Variants in SLC35F4 observed in about 807,000 individuals in gnomAD.
The protein encoded by SLC35F4 is solute carrier family 35 member F4.
SLC35F4 carries 24 observed loss-of-function variants against 44.2 expected under a neutral mutation model. That is an observed-to-expected ratio of 0.54 (90% CI 0.39 to 0.76). The LOEUF (loss-of-function observed/expected upper bound fraction) is 0.76, where lower values mean the gene tolerates loss of function less well. Among genes scored for constraint, SLC35F4 ranks in the 30% least tolerant of loss-of-function variants. The pLI is 0.00. For synonymous variants in SLC35F4, 238 were observed against 223.6 expected (o/e 1.06, Z -0.57); for missense variants, 562 against 586.1 (o/e 0.96, Z 0.42).
chr14:57,618,835 G>T lies in SLC35F4; in HGVS notation c.104-24711C>A, dbSNP rs151150511. Among the ~76,000 whole-genome samples the T allele has an allele frequency of 5.2e-3, 795 of 152,308 alleles. 7 individuals carry two copies. The highest frequency in any genetic ancestry group is 0.02 in the Middle Eastern group (6 of 294). On this transcript the variant is annotated intron_variant, in intron 1 of 7. Transcript: ENST00000556826. ...GCACAGCAGTCTGAGGTGGACCTGG[G>T]ATGCTAGAGCTTGGTGGGGTGAGGG...
intron 1 of SLC35F4, among the ~76,000 whole-genome samples, chr14:57,625,033 C>T (rs868381602): frequency 7.2e-5 from 11 of 152,158 alleles, no homozygotes; most frequent in African/African-American, 1.4e-4. Context: ...TTGCAGATGA[C>T]GCAATTGTAT....
At chr14:57,612,430 C>A (rs111846282) in intron 1 of SLC35F4, among the ~76,000 whole-genome samples, 33 of 152,312 alleles carry the variant, frequency 2.2e-4, no homozygotes, top group African/African-American at 7.7e-4. Context: ...AATTCATATT[C>A]AAGCTTCAAG....
intron 1 of SLC35F4, among the ~76,000 whole-genome samples, chr14:57,950,083 G>T (rs1411193193): frequency 4.6e-5 from 7 of 152,092 alleles, no homozygotes; most frequent in Admixed American, 3.9e-4. Flanking sequence ...CTCCAGCAAG[G>T]CCAGGGAAGT....
At chr14:57,891,688 C>A (rs558286852) in intron 1 of SLC35F4, among the ~76,000 whole-genome samples, 1 of 151,998 alleles carries the variant, frequency 6.6e-6, no homozygotes, top group East Asian at 1.9e-4. Flanking sequence ...GCATCCTGGC[C>A]AATATGATGA....
At chr14:57,625,478 G>A (rs751581125) in intron 1 of SLC35F4, among the ~76,000 whole-genome samples, 6 of 152,112 alleles carry the variant, frequency 3.9e-5, no homozygotes, top group Non-Finnish European at 8.8e-5. Context: ...AATCAAAAAA[G>A]AGCCCACATA....
chr14:57,775,264 C>T (rs925956886), intron 1 of SLC35F4, among the ~76,000 whole-genome samples: 3 of 152,252 alleles, frequency 2.0e-5, no homozygotes, highest in African/African-American at 2.4e-5. Flanking sequence ...CCAGCACCCA[C>T]TAGCACCCTG....
chr14:57,798,121 CAAAAAAA>C (rs60685029), intron 1 of SLC35F4, among the ~76,000 whole-genome samples: 3 of 42,068 alleles, frequency 7.1e-5, no homozygotes, highest in Admixed American at 3.1e-4. Flanking sequence ...GACCCACGAG[CAAAAAAA>C]AAAAAAAAAA....
chr14:57,804,913 C>T (rs1381300421), intron 1 of SLC35F4, among the ~76,000 whole-genome samples: 2 of 151,950 alleles, frequency 1.3e-5, no homozygotes, highest in Non-Finnish European at 2.9e-5. Flanking sequence ...GAAATTTAAA[C>T]AAATTTACAA....
chr14:57,754,483 G>C (rs1260375520), intron 1 of SLC35F4, among the ~76,000 whole-genome samples: 3 of 152,130 alleles, frequency 2.0e-5, no homozygotes, highest in African/African-American at 7.2e-5. Context: ...TCACCCAAGG[G>C]TATAAGAGAG....
intron 1 of SLC35F4, among the ~76,000 whole-genome samples, chr14:57,641,727 C>G (rs754534232): frequency 1.3e-5 from 2 of 151,952 alleles, no homozygotes; most frequent in Non-Finnish European, 2.9e-5. Context: ...ATAGCTATTA[C>G]ATAGAACAGC....
intron 1 of SLC35F4, among the ~76,000 whole-genome samples, chr14:57,691,985 A>G (rs1328665181): frequency 6.6e-6 from 1 of 152,200 alleles, no homozygotes; most frequent in Non-Finnish European, 1.5e-5. Flanking sequence ...AGGAAGCTGG[A>G]GAATATAGTC....
intron 1 of SLC35F4, among the ~76,000 whole-genome samples, chr14:57,627,910 C>T (rs1048689433): frequency 1.3e-5 from 2 of 151,864 alleles, no homozygotes; most frequent in Non-Finnish European, 2.9e-5. Context: ...TTGCTGTTTT[C>T]CCCTTTATTC....
chr14:57,717,176 G>A (rs1465259989), intron 1 of SLC35F4, among the ~76,000 whole-genome samples: 4 of 152,164 alleles, frequency 2.6e-5, no homozygotes, highest in South Asian at 2.1e-4. Flanking sequence ...TGGGAGTGCA[G>A]AAATGTCTTT....
chr14:57,851,094 C>A (rs542292988), intron 1 of SLC35F4, among the ~76,000 whole-genome samples: 35 of 152,182 alleles, frequency 2.3e-4, no homozygotes, highest in Non-Finnish European at 2.8e-4. Flanking sequence ...TTGAAGAAAA[C>A]TGGGTGTCAT....
intron 1 of SLC35F4, among the ~76,000 whole-genome samples, chr14:57,698,222 A>G (rs185863761): frequency 3.4e-4 from 52 of 152,278 alleles, no homozygotes; most frequent in Non-Finnish European, 6.9e-4. Context: ...ATCATAATTT[A>G]TTTAGATCAT....
chr14:57,667,965 T>A (rs2074375259), intron 1 of SLC35F4, among the ~76,000 whole-genome samples: 1 of 139,754 alleles, frequency 7.2e-6, no homozygotes, highest in Non-Finnish European at 1.5e-5. Flanking sequence ...GTAAAAGTGT[T>A]CCTATTTCTC....
intron 7 of SLC35F4, among the ~76,000 whole-genome samples, chr14:57,565,077 C>T (rs1379580182): frequency 6.6e-6 from 1 of 152,210 alleles, no homozygotes; most frequent in African/African-American, 2.4e-5. Context: ...GCACCTCATT[C>T]CTTCTTATGG....
intron 1 of SLC35F4, among the ~76,000 whole-genome samples, chr14:57,594,544 T>C (rs1416040801): frequency 9.9e-5 from 15 of 152,190 alleles, no homozygotes; most frequent in Admixed American, 9.8e-4. Context: ...AGATAAAGAC[T>C]CTTTTAGATA....
At chr14:57,661,559 A>G (rs1252449183) in intron 1 of SLC35F4, among the ~76,000 whole-genome samples, 4 of 152,212 alleles carry the variant, frequency 2.6e-5, no homozygotes. Flanking sequence ...TAAATCAGTA[A>G]GAAGCAATCC....
Sources: gnomAD v4.1 joint callset for allele counts (sites outside exome capture counted in the v4.1 genomes callset) on GRCh38, gnomAD v4.1.1 for gene constraint, MANE v1.5 for transcripts, NCBI Gene and HGNC (gene_info 2026-07-23, HGNC 2026-07-21) for gene names.